PRKCB: variants seen among roughly 807,000 people sequenced by gnomAD.
PRKCB encodes protein kinase C beta type.
A neutral mutation model predicts 81.5 loss-of-function variants in PRKCB; 13 were observed. That is an observed-to-expected ratio of 0.16 (90% CI 0.10 to 0.25). The LOEUF is 0.25. PRKCB is among the 10% of genes least tolerant of loss of function. The pLI is 1.00. For synonymous variants in PRKCB, 335 were observed against 321.4 expected (o/e 1.04, Z -0.45); for missense variants, 509 against 875.7 (o/e 0.58, Z 5.29).
At chr16:24,138,895 C>A (rs913538766) in intron 9 of PRKCB, among the ~76,000 whole-genome samples, 1 of 142,874 alleles carries the variant, frequency 7.0e-6, no homozygotes, top group African/African-American at 2.7e-5. Context: ...CTCTGTCTCC[C>A]AGGCTAGAGT....
At chr16:24,075,899 A>C (rs1007930543) in intron 5 of PRKCB, among the ~76,000 whole-genome samples, 10 of 152,178 alleles carry the variant, frequency 6.6e-5, no homozygotes, top group African/African-American at 2.4e-4. Context: ...TTCCATCCTC[A>C]ATTCAGCAGG....
intron 10 of PRKCB, among the ~76,000 whole-genome samples, chr16:24,163,854 C>T (rs1188698521): frequency 6.6e-6 from 1 of 152,204 alleles, no homozygotes; most frequent in Non-Finnish European, 1.5e-5. Context: ...GTAACTGACC[C>T]AAAGTCTCAG....
intron 2 of PRKCB, among the ~76,000 whole-genome samples, chr16:23,958,869 C>T (rs1964387003): frequency 6.6e-6 from 1 of 152,084 alleles, no homozygotes; most frequent in Non-Finnish European, 1.5e-5. Context: ...TCAAGTTCGT[C>T]TGTTGCCTTC....
chr16:23,869,226 C>A, intron 2 of PRKCB: 1 of 408,244 alleles, frequency 2.4e-6, no homozygotes, highest in Non-Finnish European at 5.1e-6. Context: ...TGTGGTTTAG[C>A]CATTGTTCTT....
At chr16:24,129,520 C>CATCTATCTATCT (rs138115366) in intron 9 of PRKCB, among the ~76,000 whole-genome samples, 1,795 of 151,290 alleles carry the variant, frequency 0.012, 28 homozygotes, top group African/African-American at 0.037. Context: ...CATGCACGTG[C>CATCTATCTATCT]ATCTATCTAT....
At chr16:24,003,590 G>A (rs1042369702) in intron 3 of PRKCB, among the ~76,000 whole-genome samples, 1 of 152,052 alleles carries the variant, frequency 6.6e-6, no homozygotes, top group African/African-American at 2.4e-5. Flanking sequence ...TCAGCATATT[G>A]GCCAGGCTGG....
At chr16:23,898,557 TAG>T (rs1963417049) in intron 2 of PRKCB, among the ~76,000 whole-genome samples, 1 of 151,716 alleles carries the variant, frequency 6.6e-6, no homozygotes, top group Admixed American at 6.6e-5. Flanking sequence ...AAGAATGGGG[TAG>T]GTGAGCATGT....
intron 3 of PRKCB, among the ~76,000 whole-genome samples, chr16:24,019,544 AC>A (rs1965331397): frequency 6.6e-6 from 1 of 152,170 alleles, no homozygotes; most frequent in South Asian, 2.1e-4. Flanking sequence ...CAGGCGGACC[AC>A]TTGAGCTTGA....
chr16:23,928,078 A>T (rs1408514568), intron 2 of PRKCB, among the ~76,000 whole-genome samples: 1 of 152,048 alleles, frequency 6.6e-6, no homozygotes, highest in African/African-American at 2.4e-5. Context: ...CTCTTGAAAT[A>T]TATAGAAATG....
Position 24,217,501 on chromosome 16 carries a change from C to T in PRKCB, c.*2685C>T. ...TCACATGGCTTCAGATGCTATCAACCTCAAAGAAATGATCTCAACAGAGAA... is the reference window on the plus strand; with the variant it reads ...TCACATGGCTTCAGATGCTATCAACTTCAAAGAAATGATCTCAACAGAGAA... On this transcript the variant is annotated 3_prime_UTR_variant, in exon 17 of 17. Transcript: ENST00000643927. 1 of 985,394 alleles carries T rather than the reference C, an allele frequency of 1.0e-6. No homozygotes were observed. The highest frequency in any genetic ancestry group is 1.2e-6 in the Non-Finnish European group (1 of 829,930). 61.0% of individuals were successfully genotyped at this position (985,394 alleles called of 1,614,324 possible). A position where few individuals can be genotyped will look rare whatever the true frequency, so the allele number is the denominator to read the frequency against.
At chr16:23,867,179 G>A (rs1475799279) in intron 2 of PRKCB, among the ~76,000 whole-genome samples, 3 of 151,400 alleles carry the variant, frequency 2.0e-5, no homozygotes, top group Non-Finnish European at 4.4e-5. Context: ...AGGCTGGAAT[G>A]CCGTGGCATG....
At chr16:24,196,204 A>G (rs945066495) in intron 16 of PRKCB, among the ~76,000 whole-genome samples, 7 of 152,192 alleles carry the variant, frequency 4.6e-5, no homozygotes, top group African/African-American at 1.4e-4. Context: ...TTAGCACATT[A>G]TAGGTGCTCA....
intron 8 of PRKCB, among the ~76,000 whole-genome samples, chr16:24,121,106 A>G (rs1357659736): frequency 6.6e-6 from 1 of 152,192 alleles, no homozygotes; most frequent in Non-Finnish European, 1.5e-5. Context: ...CTCCTGTGCC[A>G]TATCTGCCTT....
intron 3 of PRKCB, among the ~76,000 whole-genome samples, chr16:24,000,681 A>G (rs913890773): frequency 2.6e-5 from 4 of 152,220 alleles, no homozygotes; most frequent in Non-Finnish European, 4.4e-5. Flanking sequence ...ACATGTAGCT[A>G]AGGCCATTTC....
chr16:24,147,296 GA>G (rs1967006313), intron 9 of PRKCB, among the ~76,000 whole-genome samples: 1 of 132,682 alleles, frequency 7.5e-6, no homozygotes, highest in East Asian at 2.3e-4. Flanking sequence ...CAACAGAGGA[GA>G]CTCTGTCTCA....
chr16:24,190,846 C>T (rs937666914), intron 15 of PRKCB, among the ~76,000 whole-genome samples: 5 of 152,064 alleles, frequency 3.3e-5, no homozygotes, highest in Admixed American at 1.3e-4. Flanking sequence ...TTGAAGTTCA[C>T]GGCCACATTC....
At chr16:24,058,363 A>C (rs1333363965) in intron 5 of PRKCB, among the ~76,000 whole-genome samples, 2 of 152,126 alleles carry the variant, frequency 1.3e-5, no homozygotes, top group African/African-American at 4.8e-5. Flanking sequence ...AGTGCAGTGC[A>C]CAATTGACAT....
intron 2 of PRKCB, among the ~76,000 whole-genome samples, chr16:23,897,377 A>G (rs1018213889): frequency 6.6e-6 from 1 of 152,258 alleles, no homozygotes; most frequent in Non-Finnish European, 1.5e-5. Flanking sequence ...CATTTTGAAT[A>G]TAAACACTAC....
intron 3 of PRKCB, among the ~76,000 whole-genome samples, chr16:24,011,680 C>A (rs1339454598): frequency 6.6e-6 from 1 of 152,002 alleles, no homozygotes; most frequent in Non-Finnish European, 1.5e-5. Flanking sequence ...CCACACCTGG[C>A]TAATTTTAAA....
Sources: gnomAD v4.1 joint callset for allele counts (sites outside exome capture counted in the v4.1 genomes callset) on GRCh38, gnomAD v4.1.1 for gene constraint, MANE v1.5 for transcripts, NCBI Gene and HGNC (gene_info 2026-07-23, HGNC 2026-07-21) for gene names.